The following RYR2 variants were observed in gnomAD, a reference collection of about 807,000 sequenced individuals.
RYR2 encodes ryanodine receptor 2, also known as cardiac muscle ryanodine receptor-calcium release channel.
In RYR2, 227 loss-of-function variants were observed where a neutral mutation model predicts 601.1. The observed-to-expected ratio is 0.38, with a 90% CI of 0.34 to 0.42. The LOEUF is 0.42. RYR2 is among the 10% of genes least tolerant of loss of function. The pLI is 1.00. For missense variants in RYR2, 4,646 were observed against 6,156.5 expected, an observed-to-expected ratio of 0.75 and a Z score of 8.21; for synonymous variants, 2,223 against 2,175.1, an observed-to-expected ratio of 1.02 and a Z score of -0.61.
At position 237,808,982 on chromosome 1, in the gene RYR2, A is replaced by C; in HGVS notation, c.14380A>C (p.Asn4794His). 6.2e-7 allele frequency: 1 copy of C among 1,613,362 alleles called. No individual in the cohort carries two copies. Among genetic ancestry groups the C allele is most frequent in the Non-Finnish European group, 8.5e-7 (1 of 1,179,288 alleles). The stretch of plus-strand genomic sequence containing the variant: ...ATTCAATTTTTTCCGAAAATTCTAC[A>C]ATAAAAGTGAAGATGGTGATACACC... Reference protein sequence around the residue: ...VAFNFFRKFYNKSEDGDTPDM... With the variant: ...VAFNFFRKFYHKSEDGDTPDM... Residue 4794 changes from asparagine (N) to histidine (H), a missense_variant, in exon 100 of 105, where the codon AAT becomes CAT. Asn to His is a moderately conservative substitution (Grantham distance 68). Coordinates refer to ENST00000366574, the MANE Select transcript of RYR2 (RefSeq NM_001035.3).
chr1:237,625,530 G>T, intron 39 of RYR2, 131 bp from the exon 40 acceptor site: 1 of 854,600 alleles, frequency 1.2e-6, no homozygotes, highest in Non-Finnish European at 1.8e-6. Flanking sequence ...AAGCAACATT[G>T]CTTAACTTAA....
At chr1:237,738,174 C>G (rs1396123302) in intron 79 of RYR2, among the ~76,000 whole-genome samples, 1 of 152,106 alleles carries the variant, frequency 6.6e-6, no homozygotes, top group African/African-American at 2.4e-5. Context: ...GTGTCTTCCT[C>G]CACCACTGCA....
At chr1:237,795,836 G>GTGTGTATATATATATA (rs371932356) in intron 96 of RYR2, among the ~76,000 whole-genome samples, 34 of 132,668 alleles carry the variant, frequency 2.6e-4, no homozygotes, top group South Asian at 1.9e-3. Flanking sequence ...GTGTGTGTGT[G>GTGTGTATATATATATA]TATATATATA....
At chr1:237,383,738 A>G (rs1314907534) in intron 8 of RYR2, among the ~76,000 whole-genome samples, 1 of 151,946 alleles carries the variant, frequency 6.6e-6, no homozygotes, top group African/African-American at 2.4e-5. Flanking sequence ...CCTTCAATCT[A>G]CATGTTTAAA....
At chr1:237,374,408 A>T (rs1700868759) in intron 6 of RYR2, among the ~76,000 whole-genome samples, 1 of 152,100 alleles carries the variant, frequency 6.6e-6, no homozygotes, top group Non-Finnish European at 1.5e-5. Context: ...CTGTGGTCCC[A>T]GCTACTTGGG....
At chr1:237,284,944 T>C (rs1691379317) in intron 2 of RYR2, among the ~76,000 whole-genome samples, 1 of 151,856 alleles carries the variant, frequency 6.6e-6, no homozygotes. Context: ...GTCCTTAGGG[T>C]TTTCAAGGTA....
chr1:237,434,541 G>T (rs1157507795), intron 12 of RYR2, among the ~76,000 whole-genome samples: 1 of 152,128 alleles, frequency 6.6e-6, no homozygotes, highest in Non-Finnish European at 1.5e-5. Flanking sequence ...GTGTTGAAAT[G>T]TTTGTTTTAA....
chr1:237,718,981 T>G (rs774858228), intron 73 of RYR2, among the ~76,000 whole-genome samples: 4 of 152,142 alleles, frequency 2.6e-5, no homozygotes, highest in Non-Finnish European at 5.9e-5. Context: ...AAGAAAATGT[T>G]GGCTAGGCAC....
At chr1:237,525,723 TA>T (rs1422701057) in intron 24 of RYR2, among the ~76,000 whole-genome samples, 4 of 152,048 alleles carry the variant, frequency 2.6e-5, no homozygotes, top group Admixed American at 6.5e-5. Context: ...CTCACTCCTG[TA>T]ATCCCAGCAC....
chr1:237,249,971 A>G (rs922454624), intron 1 of RYR2, among the ~76,000 whole-genome samples: 1 of 152,172 alleles, frequency 6.6e-6, no homozygotes, highest in African/African-American at 2.4e-5. Flanking sequence ...CCCAGTGAGG[A>G]AATTCATCAG....
At chr1:237,710,699 G>GTAGATAGACAGATAGA (rs1553295066) in intron 70 of RYR2, among the ~76,000 whole-genome samples, 2 of 150,528 alleles carry the variant, frequency 1.3e-5, no homozygotes, top group Admixed American at 1.3e-4. Context: ...GATTAGGTAT[G>GTAGATAGACAGATAGA]TAGATAGATA....
At chr1:237,325,791 G>T (rs558674710) in intron 2 of RYR2, among the ~76,000 whole-genome samples, 2 of 152,100 alleles carry the variant, frequency 1.3e-5, no homozygotes, top group Admixed American at 1.3e-4. Context: ...TTTGGAAAGA[G>T]AATTTTCAGT....
At chr1:237,465,060 C>T (rs1178677690) in intron 16 of RYR2, among the ~76,000 whole-genome samples, 1 of 149,462 alleles carries the variant, frequency 6.7e-6, no homozygotes, top group South Asian at 2.2e-4. Flanking sequence ...TGTATTGGTA[C>T]CCATGACATG....
intron 4 of RYR2, among the ~76,000 whole-genome samples, chr1:237,362,027 C>CTATGTGTTAAAATG (rs1352125938): frequency 2.6e-5 from 4 of 152,130 alleles, no homozygotes; most frequent in African/African-American, 9.7e-5. Flanking sequence ...CCAGGGCCGT[C>CTATGTGTTAAAATG]TATGTGTTAA....
intron 68 of RYR2, 21 bp from the exon 69 acceptor site, chr1:237,708,837 C>G: frequency 6.3e-7 from 1 of 1,596,708 alleles, no homozygotes; most frequent in African/African-American, 1.3e-5. Flanking sequence ...GAGCAGAATA[C>G]TAATGTCTGT....
chr1:237,357,485 G>A (rs1699403816), intron 4 of RYR2, among the ~76,000 whole-genome samples: 1 of 152,020 alleles, frequency 6.6e-6, no homozygotes. Context: ...TACTTACTTT[G>A]TAAATAGCAC....
chr1:237,746,062 C>G (rs116772770), intron 80 of RYR2, among the ~76,000 whole-genome samples: 5,599 of 152,028 alleles, frequency 0.037, 340 homozygotes, highest in African/African-American at 0.13. Flanking sequence ...TAATTAATTC[C>G]CTATAAAGAT....
chr1:237,609,250 C>A (rs1409425650), intron 35 of RYR2, among the ~76,000 whole-genome samples: 2 of 132,780 alleles, frequency 1.5e-5, no homozygotes, highest in African/African-American at 5.1e-5. Flanking sequence ...CACTCTGTCA[C>A]CCAGGCTAGA....
intron 97 of RYR2, among the ~76,000 whole-genome samples, chr1:237,798,525 A>C (rs529172593): frequency 6.6e-6 from 1 of 152,132 alleles, no homozygotes; most frequent in Non-Finnish European, 1.5e-5. Context: ...GTTTGAAAAA[A>C]CGTTAATTTT....
Sources: gnomAD v4.1 joint callset for allele counts (sites outside exome capture counted in the v4.1 genomes callset) on GRCh38, gnomAD v4.1.1 for gene constraint, MANE v1.5 for transcripts, NCBI Gene and HGNC (gene_info 2026-07-23, HGNC 2026-07-21) for gene names.